DYSF: variants seen among roughly 807,000 people sequenced by gnomAD.
DYSF encodes the protein dystrophy-associated fer-1-like 1.
DYSF carries 212 observed loss-of-function variants against 274.9 expected under a neutral mutation model. That is an observed-to-expected ratio of 0.77 (90% CI 0.69 to 0.86). The LOEUF (loss-of-function observed/expected upper bound fraction) is 0.86, where lower values mean the gene tolerates loss of function less well. Ranked by LOEUF, DYSF falls within the 40% of genes least tolerant of loss-of-function variation. The probability of loss-of-function intolerance (pLI) is 0.00; values close to 1 mark genes in which losing one functional copy is unlikely to be tolerated. For synonymous variants in DYSF, 1,091 were observed against 1,078.7 expected, an observed-to-expected ratio of 1.01 and a Z score of -0.22; for missense variants, 2,666 against 2,783.2, an observed-to-expected ratio of 0.96 and a Z score of 0.95.
chr2:71,618,932 G>C (rs577457698), intron 40 of DYSF, among the ~76,000 whole-genome samples: 127 of 145,840 alleles, frequency 8.7e-4, no homozygotes, highest in African/African-American at 3.3e-3. Context: ...CAGGCGCTGG[G>C]GCTGGGGCTA....
Position 71,674,212 on chromosome 2 carries a change from C to T in DYSF, c.5800C>T (p.Leu1934=). The T allele has an allele frequency of 1.9e-6, 3 of 1,614,198 alleles. No individual in the cohort carries two copies. The highest frequency in any genetic ancestry group is 2.5e-6 in the Non-Finnish European group (3 of 1,180,036). The change falls in exon 52 of 56, where the codon CTG becomes TTG. Residue 1934 remains leucine (L), a synonymous_variant. Transcript: ENST00000410020. ...TIAKKDAFWR[L]DKTESKIPAR... Reference sequence around the variant, plus strand: ...TCCGGGTCAGGATGCCTTCTGGAGGCTGGACAAGACTGAGAGCAAAATCCC... The same window carrying T: ...TCCGGGTCAGGATGCCTTCTGGAGGTTGGACAAGACTGAGAGCAAAATCCC...
At chr2:71,515,583 T>G (rs370767110) in intron 7 of DYSF, 40 bp from the exon 8 acceptor site, 38 of 1,613,774 alleles carry the variant, frequency 2.4e-5, no homozygotes, top group Non-Finnish European at 2.8e-5. Flanking sequence ...TCCTTAACTC[T>G]TCCCCCTTCC....
chr2:71,652,376 G>A (rs1396218005), intron 42 of DYSF, among the ~76,000 whole-genome samples: 1 of 152,154 alleles, frequency 6.6e-6, no homozygotes, highest in African/African-American at 2.4e-5. Flanking sequence ...CACCTGAAGA[G>A]AACCAACTGA....
chr2:71,469,473 A>G (rs1265458760), intron 1 of DYSF, among the ~76,000 whole-genome samples: 2 of 152,340 alleles, frequency 1.3e-5, no homozygotes, highest in Non-Finnish European at 1.5e-5. Context: ...CACTGAGCCC[A>G]GCTCCTCATG....
In DYSF at chr2:71,578,909, T is replaced by C. The variant is rs373428466; in HGVS notation, c.3402+4538T>C. Among the ~76,000 whole-genome samples, 3 of 152,362 alleles carry C rather than the reference T, an allele frequency of 2.0e-5. No homozygotes were observed. In the East Asian group the frequency reaches 5.8e-4, roughly 29 times the overall value. ...CACGGAGCGGGAGGCCCTGGCTCCG[T>C]CTGCTAATCGTCTGCTGTCTCCATC... On this transcript the variant is annotated intron_variant, in intron 30 of 55. Transcript: ENST00000410020.
chr2:71,523,510 T>G (rs901968311), intron 12 of DYSF, among the ~76,000 whole-genome samples: 1 of 151,458 alleles, frequency 6.6e-6, no homozygotes, highest in African/African-American at 2.4e-5. Context: ...TCTTACGTTA[T>G]ACTTCACCTA....
At chr2:71,543,997 CT>C (rs202010466) in intron 17 of DYSF, among the ~76,000 whole-genome samples, 6,391 of 151,786 alleles carry the variant, frequency 0.042, 156 homozygotes, top group Non-Finnish European at 0.046. Flanking sequence ...CTCAAGCCTT[CT>C]TTTTTCCCTG....
intron 52 of DYSF, among the ~76,000 whole-genome samples, chr2:71,676,603 C>T (rs1361114948): frequency 3.3e-5 from 5 of 151,526 alleles, no homozygotes; most frequent in Non-Finnish European, 1.5e-5. Flanking sequence ...TGAAGTGAGG[C>T]TTTAGAAAAT....
intron 1 of DYSF, among the ~76,000 whole-genome samples, chr2:71,459,496 G>C (rs112493246): frequency 0.013 from 1,909 of 152,248 alleles, 19 homozygotes; most frequent in Non-Finnish European, 0.02. Flanking sequence ...GTGAGCTGAG[G>C]GGGGGACACC....
chr2:71,684,974 G>C (rs1485115228), intron 55 of DYSF, among the ~76,000 whole-genome samples: 14 of 152,200 alleles, frequency 9.2e-5, no homozygotes, highest in Admixed American at 9.2e-4. Context: ...AAGCCAAGGG[G>C]AGGGGAAAGG....
chr2:71,615,611 A>C lies in DYSF; in HGVS notation c.4464+2201A>C, dbSNP rs1345537123. Among the ~76,000 whole-genome samples, 1 of 152,046 alleles carries C rather than the reference A, an allele frequency of 6.6e-6. No homozygotes were observed. Among genetic ancestry groups the C allele is most frequent in the Non-Finnish European group, 1.5e-5 (1 of 67,992 alleles). Reference sequence around the variant, plus strand: ...TGCTCTGATTTGGCTGATCCAGGAAATCTTTCACTCACTCGCCTCTCCTCC... The same window carrying C: ...TGCTCTGATTTGGCTGATCCAGGAACTCTTTCACTCACTCGCCTCTCCTCC... On this transcript the variant is annotated intron_variant, in intron 40 of 55. Coordinates refer to ENST00000410020, the MANE Select transcript of DYSF (RefSeq NM_001130987.2). This position sits in a 1 kb window ranked among gnomAD's most constrained non-coding sequence, Gnocchi z 4.9.
chr2:71,457,583 T>C (rs539653736), intron 1 of DYSF, among the ~76,000 whole-genome samples: 18 of 152,302 alleles, frequency 1.2e-4, no homozygotes, highest in African/African-American at 4.1e-4. Flanking sequence ...GCGTGGTCCT[T>C]ACTGCTGCTT....
intron 36 of DYSF, chr2:71,611,031 A>G (rs1473011752): frequency 1.6e-6 from 1 of 609,202 alleles, no homozygotes; most frequent in Non-Finnish European, 3.0e-6. Context: ...CCCTGGATGA[A>G]GGTGCTGGAA....
chr2:71,682,896 A>G (rs1296396382), intron 55 of DYSF, among the ~76,000 whole-genome samples: 1 of 152,072 alleles, frequency 6.6e-6, no homozygotes, highest in Non-Finnish European at 1.5e-5. Context: ...AGTGAGAGAA[A>G]CTGAGTTCTT....
chr2:71,583,158 T>C (rs1211855325), intron 30 of DYSF, among the ~76,000 whole-genome samples: 1 of 152,096 alleles, frequency 6.6e-6, no homozygotes, highest in African/African-American at 2.4e-5. Flanking sequence ...TAATTTTTAC[T>C]AATGGCTGTG....
intron 3 of DYSF, among the ~76,000 whole-genome samples, chr2:71,489,039 G>C (rs2083589698): frequency 6.6e-6 from 1 of 152,134 alleles, no homozygotes; most frequent in Non-Finnish European, 1.5e-5. Flanking sequence ...TGGACTTTGA[G>C]AAGAGCCAGG....
intron 36 of DYSF, among the ~76,000 whole-genome samples, chr2:71,608,963 G>A (rs2093698601): frequency 7.0e-6 from 1 of 143,722 alleles, no homozygotes; most frequent in Non-Finnish European, 1.5e-5. Context: ...CTTTGTCTTG[G>A]GTTTTTGGCT....
In DYSF at chr2:71,674,282, TTGA is replaced by T. The variant is rs1462255419; in HGVS notation, c.5875_5877del (p.Asp1959del). 1 of 1,614,094 alleles carries T rather than the reference TTGA, an allele frequency of 6.2e-7. No homozygotes were observed. Among genetic ancestry groups the T allele is most frequent in the Non-Finnish European group, 8.5e-7 (1 of 1,180,034 alleles). ...ATCTGGGACAATGACAAGTTCTCCT[TTGA>T]TGATTTTCTGGGTAAGCGCTATTGC... On this transcript the variant is annotated inframe_deletion, in exon 52 of 56. Transcript: ENST00000410020.
At chr2:71,644,382 C>T (rs1444055113) in intron 42 of DYSF, among the ~76,000 whole-genome samples, 2 of 152,194 alleles carry the variant, frequency 1.3e-5, no homozygotes, top group African/African-American at 4.8e-5. Context: ...GGCCCCCTCA[C>T]CGATTTTCAA....
Sources: allele counts gnomAD v4.1 joint callset (sites outside exome capture counted in the v4.1 genomes callset), GRCh38; gene constraint gnomAD v4.1.1; non-coding constraint Gnocchi (gnomAD v3.1); transcripts MANE v1.5; gene names NCBI Gene and HGNC (gene_info 2026-07-23, HGNC 2026-07-21).